EXOC1: variants seen among roughly 807,000 people sequenced by gnomAD.
EXOC1 encodes exocyst complex component 1.
EXOC1 carries 67 observed loss-of-function variants against 107.7 expected under a neutral mutation model. That is an observed-to-expected ratio of 0.62 (90% confidence interval 0.51 to 0.76). The LOEUF (loss-of-function observed/expected upper bound fraction) is 0.76. Among genes scored for constraint, EXOC1 ranks in the 30% least tolerant of loss-of-function variants. The probability of loss-of-function intolerance (pLI) is 0.00; values close to 1 mark genes in which losing one functional copy is unlikely to be tolerated. For synonymous variants in EXOC1, 348 were observed against 353.5 expected, an observed-to-expected ratio of 0.98 and a Z score of 0.17; for missense variants, 833 against 1,055.7, an observed-to-expected ratio of 0.79 and a Z score of 2.92.
At chr4:55,868,649 C>A in intron 5 of EXOC1, 126 bp downstream of exon 5, 1 of 700,210 alleles carries the variant, frequency 1.4e-6, no homozygotes, top group Non-Finnish European at 2.2e-6. Context: ...TATCTATAAG[C>A]ACATTACCAG....
chr4:55,862,336 A>G (rs1463078208), intron 3 of EXOC1, among the ~76,000 whole-genome samples: 1 of 147,254 alleles, frequency 6.8e-6, no homozygotes, highest in Non-Finnish European at 1.5e-5. Flanking sequence ...TTTGCATTTT[A>G]TGTAGGCACC....
intron 8 of EXOC1, chr4:55,875,374 A>G: frequency 5.4e-6 from 5 of 918,874 alleles, no homozygotes; most frequent in Non-Finnish European, 6.5e-6. Flanking sequence ...TTTTTTTAAG[A>G]AAAGAATAAG....
chr4:55,868,614 C>T (rs778777931), intron 5 of EXOC1, 91 bp downstream of exon 5: 1 of 1,144,700 alleles, frequency 8.7e-7, no homozygotes, highest in Non-Finnish European at 1.2e-6. Flanking sequence ...GCACTTAAGC[C>T]TTTATAGTGT....
chr4:55,854,542 A>G (rs1231061242), intron 1 of EXOC1, among the ~76,000 whole-genome samples: 2 of 152,246 alleles, frequency 1.3e-5, no homozygotes, highest in East Asian at 1.9e-4. Flanking sequence ...TGTAAATGCC[A>G]TAGAAACACC....
At chr4:55,868,219 C>T (rs1722127272) in intron 4 of EXOC1, 117 bp from the exon 5 acceptor site, 1 of 637,948 alleles carries the variant, frequency 1.6e-6, no homozygotes, top group East Asian at 3.3e-5. Context: ...ATCATTCTAT[C>T]CTCTTTTTCA....
At chr4:55,893,928 G>T (rs1724877416) in intron 15 of EXOC1, 148 bp downstream of exon 15, 2 of 668,746 alleles carry the variant, frequency 3.0e-6, no homozygotes, top group Admixed American at 5.8e-5. Flanking sequence ...CAATCTACAT[G>T]AACAGAGTTA....
intron 3 of EXOC1, among the ~76,000 whole-genome samples, chr4:55,861,014 G>A (rs1346650646): frequency 6.7e-6 from 1 of 150,096 alleles, no homozygotes; most frequent in Non-Finnish European, 1.5e-5. Context: ...AAGGAATGTA[G>A]ATAATAAGAT....
intron 15 of EXOC1, among the ~76,000 whole-genome samples, chr4:55,894,869 A>G (rs1725025349): frequency 6.6e-6 from 1 of 151,816 alleles, no homozygotes; most frequent in Non-Finnish European, 1.5e-5. Flanking sequence ...TGATCTGCCC[A>G]CCTCAGCCTC....
chr4:55,872,962 A>G (rs953091230), intron 8 of EXOC1, among the ~76,000 whole-genome samples: 2 of 152,002 alleles, frequency 1.3e-5, no homozygotes, highest in African/African-American at 4.8e-5. Context: ...TAAATGTCCC[A>G]TAGTAGAGAC....
chr4:55,891,408 A>G lies in EXOC1; in HGVS notation c.1633A>G (p.Met545Val), dbSNP rs1724530934. 1.9e-6 allele frequency: 3 copies of G among 1,608,924 alleles called. No individual in the cohort carries two copies. Among genetic ancestry groups the G allele is most frequent in the Admixed American group, 1.7e-5 (1 of 59,982 alleles). ...TTTCAAACTACAGCAACATCAAAGT[A>G]TGCCTGGAACTATGGTATGGCTCAC... ...KFFKLQQHQS[M>V]PGTMAEAEDL... The change falls in exon 13 of 19, where the codon ATG (methionine) becomes GTG (valine). Residue 545 changes from methionine to valine, a missense_variant. Coordinates refer to ENST00000381295, the MANE Select transcript of EXOC1 (RefSeq NM_001024924.2).
Position 55,877,265 on chromosome 4 carries a change from T to A in EXOC1, c.1075-652T>A, listed in dbSNP as rs79808929. The A allele has an allele frequency of 7.3e-3, 7,241 of 985,328 alleles. 32 individuals are homozygous for A. Among genetic ancestry groups the A allele is most frequent in the Non-Finnish European group, 8.0e-3 (6,647 of 829,850 alleles). 61.0% of individuals were successfully genotyped at this position (985,328 alleles called of 1,614,324 possible). ...GCAGTCTGTGTAATTTTAATACAGT[T>A]TTCACAAAATGCTGACAAATAACTT... is the stretch of plus-strand genomic sequence containing the variant. On this transcript the variant is annotated intron_variant, in intron 8 of 18. Coordinates refer to ENST00000381295, the MANE Select transcript of EXOC1 (RefSeq NM_001024924.2).
Position 55,876,795 on chromosome 4 carries a change from T to G in EXOC1, c.1075-1122T>G, listed in dbSNP as rs2110346196. ...GTTTTCTACCATTTTATATGTAATT[T>G]CTGTATAATGGGTCCTTTTTTCTTT... On this transcript the variant is annotated intron_variant, in intron 8 of 18. Transcript: ENST00000381295. 2.0e-6 allele frequency: 2 copies of G among 984,228 alleles called. 1 individual carries two copies. Among genetic ancestry groups the G allele is most frequent in the Admixed American group, 1.2e-4 (2 of 16,272 alleles). 61.0% of individuals were successfully genotyped at this position (984,228 alleles called of 1,614,324 possible).
intron 12 of EXOC1, among the ~76,000 whole-genome samples, chr4:55,891,103 G>A (rs1472357722): frequency 6.6e-6 from 1 of 152,116 alleles, no homozygotes; most frequent in Non-Finnish European, 1.5e-5. Context: ...TTTTATTTTA[G>A]GTTTATTTTG....
At position 55,903,614 on chromosome 4, in the gene EXOC1, A is replaced by G. The variant is rs146551751; in HGVS notation, c.2533-729A>G. On this transcript the variant is annotated intron_variant, in intron 18 of 18. Transcript: ENST00000381295. ...TTCCCTCAGCTGTCAAATAGGGAAG[A>G]TGATCATAATACCCACCCTCACCAG... Among the ~76,000 whole-genome samples the G allele has an allele frequency of 3.0e-3, 455 of 151,830 alleles. 4 individuals are homozygous for G. The highest frequency in any genetic ancestry group is 5.1e-3 in the Non-Finnish European group (349 of 67,966).
chr4:55,898,809 AGTCATCCATAT>A (rs1289365451), intron 16 of EXOC1, among the ~76,000 whole-genome samples: 2 of 152,202 alleles, frequency 1.3e-5, no homozygotes, highest in Non-Finnish European at 1.5e-5. Flanking sequence ...ATGATTGCAT[AGTCATCCATAT>A]GTCATTATCC....
chr4:55,876,178 A>G (rs1179066337), intron 8 of EXOC1: 22 of 985,282 alleles, frequency 2.2e-5, no homozygotes, highest in Non-Finnish European at 2.7e-5. Flanking sequence ...CAGAAAAGAT[A>G]TGGTAGCCCA....
At chr4:55,903,167 A>AAGAAAGAAAGAAAAAGAAAGAAAG (rs1726196465) in intron 18 of EXOC1, among the ~76,000 whole-genome samples, 1 of 148,654 alleles carries the variant, frequency 6.7e-6, no homozygotes, top group Non-Finnish European at 1.5e-5. Context: ...AAAAAAAAGA[A>AAGAAAGAAAGAAAAAGAAAGAAAG]AGAAAGAAAG....
chr4:55,877,796 A>G, intron 8 of EXOC1, 121 bp from the exon 9 acceptor site: 1 of 1,475,914 alleles, frequency 6.8e-7, no homozygotes, highest in South Asian at 1.4e-5. Context: ...TTCTATTCTT[A>G]ATTATTTTTC....
At chr4:55,885,642 AGAT>A (rs747743014) in intron 10 of EXOC1, 2 of 152,184 alleles carry the variant, frequency 1.3e-5, no homozygotes, top group African/African-American at 2.4e-5. Context: ...AATACAGAGA[AGAT>A]GAGCATTGTC....
Sources: allele counts gnomAD v4.1 joint callset (sites outside exome capture counted in the v4.1 genomes callset), GRCh38; gene constraint gnomAD v4.1.1; transcripts MANE v1.5; gene names NCBI Gene and HGNC (gene_info 2026-07-23, HGNC 2026-07-21).